Variants in TRPC6 observed in about 807,000 individuals in gnomAD.
TRPC6 encodes short transient receptor potential channel 6.
A neutral mutation model predicts 90.7 loss-of-function variants in TRPC6; 55 were observed. The observed-to-expected ratio is 0.61, with a 90% CI of 0.49 to 0.76. The LOEUF (loss-of-function observed/expected upper bound fraction) is 0.76. Ranked by LOEUF, TRPC6 falls within the 30% of genes least tolerant of loss-of-function variation. TRPC6 has a pLI of 0.00. For synonymous variants in TRPC6, 393 were observed against 393.0 expected (o/e 1.00, Z 0.00); for missense variants, 989 against 1,122.7 (o/e 0.88, Z 1.70).
At chr11:101,514,748 G>A (rs763138982) in intron 1 of TRPC6, among the ~76,000 whole-genome samples, 5 of 152,124 alleles carry the variant, frequency 3.3e-5, no homozygotes, top group Non-Finnish European at 7.4e-5. Flanking sequence ...TTCAAAACTC[G>A]GAGACTGGAG....
chr11:101,500,393 T>C (rs554634597), intron 2 of TRPC6, among the ~76,000 whole-genome samples: 2 of 151,936 alleles, frequency 1.3e-5, no homozygotes, highest in South Asian at 4.2e-4. Flanking sequence ...GTATTTTTAG[T>C]AGAGACAGGT....
At chr11:101,488,328 G>C (rs1056334757) in intron 4 of TRPC6, among the ~76,000 whole-genome samples, 1 of 152,216 alleles carries the variant, frequency 6.6e-6, no homozygotes, top group Non-Finnish European at 1.5e-5. Context: ...AGCATGGGTA[G>C]ATAGCTTTTG....
chr11:101,561,569 T>G (rs1171468880), intron 1 of TRPC6, among the ~76,000 whole-genome samples: 1 of 152,036 alleles, frequency 6.6e-6, no homozygotes, highest in African/African-American at 2.4e-5. Flanking sequence ...TCCCTTACTA[T>G]ATAGAGGATA....
chr11:101,467,496 C>A (rs1026868507), intron 10 of TRPC6, among the ~76,000 whole-genome samples: 1 of 152,320 alleles, frequency 6.6e-6, no homozygotes, highest in South Asian at 2.1e-4. Context: ...GGTGTGATTA[C>A]TGCCTACATC....
At chr11:101,559,103 G>C (rs550165298) in intron 1 of TRPC6, among the ~76,000 whole-genome samples, 1 of 152,162 alleles carries the variant, frequency 6.6e-6, no homozygotes, top group South Asian at 2.1e-4. Context: ...AGAAATATTT[G>C]CAAGCCATAT....
intron 2 of TRPC6, 37 bp from the exon 3 acceptor site, chr11:101,491,775 G>T: frequency 1.9e-6 from 3 of 1,546,178 alleles, no homozygotes; most frequent in Non-Finnish European, 2.6e-6. Context: ...CAATAATGGA[G>T]AATACCACGT....
chr11:101,475,162 T>A (rs1336107144), intron 6 of TRPC6, among the ~76,000 whole-genome samples: 1 of 152,196 alleles, frequency 6.6e-6, no homozygotes, highest in Non-Finnish European at 1.5e-5. Context: ...TAATTTCTTG[T>A]TTTATTTCTC....
chr11:101,482,960 G>C lies in TRPC6; in HGVS notation c.1499C>G (p.Ser500Cys). 6.2e-7 allele frequency: 1 copy of C among 1,613,920 alleles called. No homozygotes were observed. The highest frequency in any genetic ancestry group is 8.5e-7 in the Non-Finnish European group (1 of 1,179,860). ...AAATCAGTCTTTACCTATTACCCAG[G>C]ATATAATGAGCATCTCCATCCATGA... Reference protein sequence around the residue: ...CFSWMEMLIISWVIGMIWAEC... With the variant: ...CFSWMEMLIICWVIGMIWAEC... The change falls in exon 5 of 13, where the codon TCC becomes TGC. Residue 500 changes from serine (S) to cysteine (C), a missense_variant. Physicochemically the swap from Ser to Cys is moderately radical, Grantham distance 112. Transcript: ENST00000344327.
In TRPC6 at chr11:101,504,492, A is replaced by G. The variant is rs149152923; in HGVS notation, c.477T>C (p.Ser159=). ...TELLLKKENL[S]RVGDALLLAI... is the part of the protein sequence containing the mutation. ...CTAGAAGCAAAGCATCCCCAACTCGAGAGAGGTTTTCTTTCTTGAGAAGAA... is the reference window on the plus strand; with the variant it reads ...CTAGAAGCAAAGCATCCCCAACTCGGGAGAGGTTTTCTTTCTTGAGAAGAA... Residue 159 remains serine (S), a synonymous_variant, in exon 2 of 13, where the codon TCT becomes TCC. Transcript: ENST00000344327. 2.3e-5 allele frequency: 37 copies of G among 1,613,986 alleles called. No individual in the cohort carries two copies. In the African/African-American group the frequency reaches 3.7e-4, roughly 16 times the overall value.
At chr11:101,515,286 G>A (rs1012094450) in intron 1 of TRPC6, among the ~76,000 whole-genome samples, 3 of 152,118 alleles carry the variant, frequency 2.0e-5, no homozygotes, top group Admixed American at 1.3e-4. Flanking sequence ...GTTTGACCTC[G>A]TTTGTTTTTT....
rs746092814 is a variant in TRPC6 at position 101,489,121 on chromosome 11, A to G, written c.1129-20T>C. 4.3e-6 allele frequency: 7 copies of G among 1,612,984 alleles called. No homozygotes were observed. In the African/African-American group the frequency reaches 5.3e-5, roughly 12 times the overall value. Reference sequence around the variant, plus strand: ...TACAAACTAGCAGGGAAGTGACAAAATATTTAAATTTGACTAAAGAAAGGT... The same window carrying G: ...TACAAACTAGCAGGGAAGTGACAAAGTATTTAAATTTGACTAAAGAAAGGT... On this transcript the variant is annotated intron_variant, in intron 3 of 12. Transcript: ENST00000344327.
rs1177620963 is a variant in TRPC6 at position 101,472,311 on chromosome 11, T to C, written c.2031A>G (p.Thr677=). ...AFTTVEESFK[T]LFWAIFGLSE... is the part of the protein sequence containing the mutation. ...AAAGTCCAAATATAGCCCAGAACAG[T>C]GTCTTAAAACTCTCTTCAACTCTGG... is the stretch of plus-strand genomic sequence containing the variant. Residue 677 remains threonine, a synonymous_variant, in exon 8 of 13, where the codon ACA becomes ACG. Transcript: ENST00000344327. The C allele has an allele frequency of 2.5e-6, 4 of 1,612,816 alleles. No homozygotes were observed. Among genetic ancestry groups the C allele is most frequent in the Non-Finnish European group, 3.4e-6 (4 of 1,179,440 alleles).
At chr11:101,574,910 CT>C (rs765969635) in intron 1 of TRPC6, among the ~76,000 whole-genome samples, 2 of 151,564 alleles carry the variant, frequency 1.3e-5, no homozygotes, top group African/African-American at 2.4e-5. Flanking sequence ...TTTGTTTTTT[CT>C]TTTTTTTGTG....
chr11:101,528,575 A>AT (rs1860836908), intron 1 of TRPC6, among the ~76,000 whole-genome samples: 1 of 152,238 alleles, frequency 6.6e-6, no homozygotes, highest in Non-Finnish European at 1.5e-5. Context: ...TATGCACTCA[A>AT]TAAATGTGTA....
At chr11:101,581,412 T>C (rs1163666464) in intron 1 of TRPC6, among the ~76,000 whole-genome samples, 1 of 152,234 alleles carries the variant, frequency 6.6e-6, no homozygotes, top group Non-Finnish European at 1.5e-5. Flanking sequence ...ATTTAGTCTC[T>C]CTCACTACTG....
chr11:101,460,616 C>G (rs961818251), intron 10 of TRPC6, among the ~76,000 whole-genome samples: 1 of 152,050 alleles, frequency 6.6e-6, no homozygotes, highest in Non-Finnish European at 1.5e-5. Context: ...TGTCATATCA[C>G]ACATTTTGTA....
At position 101,461,604 on chromosome 11, in the gene TRPC6, T is replaced by G. The variant is rs372179826; in HGVS notation, c.2485-6503A>C. On this transcript the variant is annotated intron_variant, in intron 10 of 12. Transcript: ENST00000344327. ...TGAAATAAAAATAAAACGTTTTGAGTTGAATACCTTTTGGAGGTAAGCTAT... is the reference window on the plus strand; with the variant it reads ...TGAAATAAAAATAAAACGTTTTGAGGTGAATACCTTTTGGAGGTAAGCTAT... Among the ~76,000 whole-genome samples the G allele has an allele frequency of 2.6e-5, 4 of 152,266 alleles. No individual in the cohort carries two copies. The South Asian group carries it at 6.2e-4, about 24-fold the overall frequency.
chr11:101,496,240 T>C (rs1289913065), intron 2 of TRPC6, among the ~76,000 whole-genome samples: 3 of 152,120 alleles, frequency 2.0e-5, no homozygotes, highest in Non-Finnish European at 4.4e-5. Flanking sequence ...CAACAAGAGA[T>C]TTGGGCAGGG....
rs11224785 is a variant in TRPC6, at chr11:101,482,761, C to T, written c.1510+188G>A. Among the ~76,000 whole-genome samples the T allele has an allele frequency of 0.36, 54,615 of 151,964 alleles. 11,358 individuals carry two copies. Among genetic ancestry groups the T allele is most frequent in the African/African-American group, 0.57 (23,628 of 41,434 alleles). On this transcript the variant is annotated intron_variant, in intron 5 of 12. Transcript: ENST00000344327. The stretch of plus-strand genomic sequence containing the variant: ...GGAAATGCAAAAGGCGCACAGCATG[C>T]GAGAAGACTATGGCACTGATAATGA...
Sources: gnomAD v4.1 joint callset for allele counts (sites outside exome capture counted in the v4.1 genomes callset) on GRCh38, gnomAD v4.1.1 for gene constraint, MANE v1.5 for transcripts, NCBI Gene and HGNC (gene_info 2026-07-23, HGNC 2026-07-21) for gene names.